Variants in DACH2 observed in about 807,000 individuals in gnomAD.
DACH2 encodes dachshund family transcription factor 2.
Under a neutral mutation model 35.8 loss-of-function variants are expected in DACH2, and 17 were observed. The ratio of observed to expected loss-of-function variants is 0.48; its 90% CI spans 0.33 to 0.71. The LOEUF (loss-of-function observed/expected upper bound fraction) is 0.71, where lower values mean the gene tolerates loss of function less well. Ranked by LOEUF, DACH2 falls within the 30% of genes least tolerant of loss-of-function variation. The probability of loss-of-function intolerance (pLI) is 0.02; values close to 1 mark genes in which losing one functional copy is unlikely to be tolerated. For synonymous variants in DACH2, 195 were observed against 177.3 expected (o/e 1.10, Z -0.79); for missense variants, 469 against 472.7 (o/e 0.99, Z 0.07).
chrX:86,190,576 A>G (rs376176644), intron 1 of DACH2, among the ~76,000 whole-genome samples: 4 of 112,457 alleles, frequency 3.6e-5, no homozygotes, highest in African/African-American at 1.3e-4. Flanking sequence ...AAAATGCTCA[A>G]TGTTACTTAT....
At chrX:86,547,124 C>T (rs1247134351) in intron 3 of DACH2, among the ~76,000 whole-genome samples, 1 of 110,928 alleles carries the variant, frequency 9.0e-6, no homozygotes, top group African/African-American at 3.3e-5. Context: ...ATGAAACCCT[C>T]CAGTGCCCCA....
intron 2 of DACH2, among the ~76,000 whole-genome samples, chrX:86,415,822 TGTTA>T (rs898523018): frequency 3.3e-4 from 37 of 112,111 alleles, no homozygotes; most frequent in African/African-American, 1.1e-3. Context: ...AGAAAATAAT[TGTTA>T]GTTAGATGTC....
intron 7 of DACH2, among the ~76,000 whole-genome samples, chrX:86,762,633 T>G (rs1156605493): frequency 1.8e-5 from 2 of 111,964 alleles, no homozygotes; most frequent in Non-Finnish European, 3.8e-5. Context: ...TTTGTTAAGA[T>G]GTCAACACTC....
intron 2 of DACH2, among the ~76,000 whole-genome samples, chrX:86,378,037 T>G (rs989286098): frequency 1.8e-5 from 2 of 110,352 alleles, no homozygotes; most frequent in Non-Finnish European, 3.8e-5. Flanking sequence ...GATTATGTTT[T>G]GAGTCTAGGC....
chrX:86,718,858 C>T (rs1569472983), intron 6 of DACH2, among the ~76,000 whole-genome samples: 1 of 111,631 alleles, frequency 9.0e-6, no homozygotes, highest in East Asian at 2.8e-4. Flanking sequence ...TATATCAGTA[C>T]CATGCTGCTT....
chrX:86,687,624 A>T (rs2040961332), intron 4 of DACH2, among the ~76,000 whole-genome samples: 1 of 111,592 alleles, frequency 9.0e-6, no homozygotes, highest in Admixed American at 9.6e-5. Context: ...TCACAATAGC[A>T]AAGACTTGGA....
At chrX:86,211,308 CT>C (rs1293106070) in intron 1 of DACH2, among the ~76,000 whole-genome samples, 2 of 111,558 alleles carry the variant, frequency 1.8e-5, no homozygotes, top group African/African-American at 6.5e-5. Flanking sequence ...CTGATTTCTA[CT>C]CTTAAGTATA....
At chrX:86,166,783 G>A (rs2030958626) in intron 1 of DACH2, among the ~76,000 whole-genome samples, 1 of 111,022 alleles carries the variant, frequency 9.0e-6, no homozygotes, top group Non-Finnish European at 1.9e-5. Context: ...AGGGATGTTG[G>A]ACTCACCAAA....
chrX:86,456,932 T>G (rs1268579943), intron 2 of DACH2, among the ~76,000 whole-genome samples: 1 of 111,929 alleles, frequency 8.9e-6, no homozygotes, highest in Non-Finnish European at 1.9e-5. Flanking sequence ...CTTACTTGCA[T>G]TGTTTCTTAG....
intron 1 of DACH2, among the ~76,000 whole-genome samples, chrX:86,151,984 A>G (rs1217505314): frequency 9.0e-6 from 1 of 111,503 alleles, no homozygotes; most frequent in Middle Eastern, 4.2e-3. Context: ...GTACCAATGG[A>G]GATCTGGCTA....
At chrX:86,669,696 A>C (rs1236884430) in intron 4 of DACH2, among the ~76,000 whole-genome samples, 1 of 111,634 alleles carries the variant, frequency 9.0e-6, no homozygotes, top group African/African-American at 3.2e-5. Flanking sequence ...TAAATAAATT[A>C]AATTGAGAAC....
At chrX:86,187,856 G>T (rs965708538) in intron 1 of DACH2, among the ~76,000 whole-genome samples, 1 of 112,022 alleles carries the variant, frequency 8.9e-6, no homozygotes, top group Non-Finnish European at 1.9e-5. Flanking sequence ...GACATAGAAT[G>T]TCAGAAGGAT....
intron 1 of DACH2, among the ~76,000 whole-genome samples, chrX:86,225,143 A>G (rs373105919): frequency 8.9e-6 from 1 of 111,887 alleles, no homozygotes. Flanking sequence ...AAATTGATGA[A>G]CACTCTAAAA....
At chrX:86,577,255 G>A (rs1002792721) in intron 3 of DACH2, among the ~76,000 whole-genome samples, 1 of 110,705 alleles carries the variant, frequency 9.0e-6, no homozygotes, top group African/African-American at 3.3e-5. Context: ...GAGCAAAACA[G>A]GAGCAGTTAG....
chrX:86,407,594 G>T lies in DACH2; in HGVS notation c.527+30732G>T, dbSNP rs913032574. On this transcript the variant is annotated intron_variant, in intron 2 of 11. Transcript: ENST00000373125. ...GAACTGTATTCTGTTGCTAAAGAAT[G>T]GGGAAGAGCTTCTAAATGGAGATAA... 8.9e-5 allele frequency among the ~76,000 whole-genome samples: 10 copies of T among 112,126 alleles called. No homozygotes were observed. In the Admixed American group the frequency reaches 9.5e-4, roughly 11 times the overall value.
intron 5 of DACH2, among the ~76,000 whole-genome samples, chrX:86,703,490 C>T (rs913554653): frequency 9.0e-6 from 1 of 111,207 alleles, no homozygotes; most frequent in African/African-American, 3.3e-5. Flanking sequence ...TATCTCTCTT[C>T]ACTAACAATA....
chrX:86,381,597 T>A (rs1327350431), intron 2 of DACH2, among the ~76,000 whole-genome samples: 2 of 110,893 alleles, frequency 1.8e-5, no homozygotes, highest in African/African-American at 6.5e-5. Context: ...AGTTGCTGCA[T>A]CTTTTAAGTT....
At chrX:86,250,647 A>G (rs1199661576) in intron 1 of DACH2, among the ~76,000 whole-genome samples, 1 of 111,659 alleles carries the variant, frequency 9.0e-6, no homozygotes, top group Non-Finnish European at 1.9e-5. Context: ...ATACATTCTT[A>G]TTATAAACAG....
rs142218105 is a variant in DACH2 at position 86,442,257 on chromosome X, T to A, written c.527+65395T>A. On this transcript the variant is annotated intron_variant, in intron 2 of 11. Transcript: ENST00000373125. The stretch of plus-strand genomic sequence containing the variant: ...TGATTTCCATTTACATTGTGGTGAA[T>A]GATGCAGAACATTTTTTTTTACCTG... 8.9e-3 allele frequency among the ~76,000 whole-genome samples: 954 copies of A among 106,904 alleles called. 5 individuals carry two copies. Among genetic ancestry groups the A allele is most frequent in the Non-Finnish European group, 0.014 (737 of 51,969 alleles). 92.8% of individuals were successfully genotyped at this position (106,904 alleles called of 115,157 possible).
Sources: allele counts gnomAD v4.1 joint callset (sites outside exome capture counted in the v4.1 genomes callset), GRCh38; gene constraint gnomAD v4.1.1; transcripts MANE v1.5; gene names NCBI Gene and HGNC (gene_info 2026-07-23, HGNC 2026-07-21).